TAOK1: variants seen among roughly 807,000 people sequenced by gnomAD.
TAOK1 encodes serine/threonine-protein kinase TAO1.
TAOK1 carries 21 observed loss-of-function variants against 138.3 expected under a neutral mutation model. The ratio of observed to expected loss-of-function variants is 0.15; its 90% confidence interval spans 0.11 to 0.22. The LOEUF is 0.22. Among genes scored for constraint, TAOK1 ranks in the 10% least tolerant of loss-of-function variants. The pLI is 1.00. For missense variants in TAOK1, 651 were observed against 1,227.7 expected (o/e 0.53, Z 7.02); for synonymous variants, 361 against 398.4 (o/e 0.91, Z 1.12).
chr17:29,451,602 C>T lies in TAOK1; in HGVS notation c.54C>T (p.Leu18=), dbSNP rs1279401192. The stretch of plus-strand genomic sequence containing the variant: ...TGAAGGACCCTGAAATTGCAGAGCT[C>T]TTCTTCAAAGAAGATCCAGAGAAGC... The part of the protein sequence containing the change: ...GSLKDPEIAE[L]FFKEDPEKLF... The change falls in exon 2 of 20, where the codon CTC becomes CTT. Residue 18 remains leucine, a synonymous_variant. Coordinates refer to ENST00000261716, the MANE Select transcript of TAOK1 (RefSeq NM_020791.4). 1.2e-6 allele frequency: 2 copies of T among 1,613,964 alleles called. No homozygotes were observed. The highest frequency in any genetic ancestry group is 2.2e-5 in the East Asian group (1 of 44,878).
chr17:29,526,819 T>TAAAAAAAAAAA (rs71138830), intron 17 of TAOK1, among the ~76,000 whole-genome samples: 5 of 50,952 alleles, frequency 9.8e-5, no homozygotes, highest in Non-Finnish European at 1.7e-4. Flanking sequence ...TCTCATCTCT[T>TAAAAAAAAAAA]AAAAAAAAAA....
chr17:29,495,751 A>G (rs1397731328), intron 11 of TAOK1, 24 bp downstream of exon 11: 1 of 1,541,094 alleles, frequency 6.5e-7, no homozygotes, highest in South Asian at 1.3e-5. Context: ...AAATGACTCC[A>G]ATATTGAATT....
At position 29,522,261 on chromosome 17, in the gene TAOK1, CT is replaced by C. The variant is rs1034433149; in HGVS notation, c.1909-15del. The C allele has an allele frequency of 2.5e-6, 4 of 1,612,152 alleles. No homozygotes were observed. The African/African-American group carries it at 5.3e-5, about 22-fold the overall frequency. The stretch of plus-strand genomic sequence containing the variant: ...ATACAGCAGTAAGTTATACCTTTGT[CT>C]TTTGTGTTATGGATTAGGAGTTAAA... On this transcript the variant is annotated intron_variant, in intron 16 of 19. Transcript: ENST00000261716.
At chr17:29,479,447 A>G (rs148400412) in intron 6 of TAOK1, among the ~76,000 whole-genome samples, 2 of 151,988 alleles carry the variant, frequency 1.3e-5, no homozygotes, top group African/African-American at 2.4e-5. Context: ...GTTTTAAACT[A>G]TATAATAGAG....
At chr17:29,451,047 C>T (rs114440583) in intron 1 of TAOK1, among the ~76,000 whole-genome samples, 2,292 of 152,306 alleles carry the variant, frequency 0.015, 55 homozygotes, top group African/African-American at 0.053. Context: ...GATTAGTACA[C>T]TAGCATACGG....
intron 2 of TAOK1, among the ~76,000 whole-genome samples, chr17:29,457,654 T>TTC (rs2030422795): frequency 7.3e-6 from 1 of 136,934 alleles, no homozygotes; most frequent in Non-Finnish European, 1.6e-5. Context: ...GATCCACCCA[T>TTC]CTCGGCCTCC....
intron 17 of TAOK1, among the ~76,000 whole-genome samples, chr17:29,522,793 G>T (rs887874887): frequency 6.6e-6 from 1 of 152,022 alleles, no homozygotes; most frequent in Non-Finnish European, 1.5e-5. Context: ...CTTATCCAAG[G>T]GCAGGGTGCA....
At chr17:29,500,365 TTG>T (rs2031501528) in intron 12 of TAOK1, among the ~76,000 whole-genome samples, 1 of 151,992 alleles carries the variant, frequency 6.6e-6, no homozygotes, top group Non-Finnish European at 1.5e-5. Context: ...ACTTCACAGC[TTG>T]TGTTATTATC....
At chr17:29,413,068 C>T (rs768822912) in intron 1 of TAOK1, among the ~76,000 whole-genome samples, 2 of 152,016 alleles carry the variant, frequency 1.3e-5, no homozygotes, top group African/African-American at 2.4e-5. Flanking sequence ...TGTCATTTTA[C>T]GGATGAGACA....
intron 10 of TAOK1, among the ~76,000 whole-genome samples, chr17:29,494,346 C>G (rs7217545): frequency 0.035 from 5,346 of 151,820 alleles, 291 homozygotes; most frequent in African/African-American, 0.12. Context: ...CCCCCACCCC[C>G]CAAAAAATAA....
chr17:29,444,770 C>T (rs1020391235), intron 1 of TAOK1, among the ~76,000 whole-genome samples: 1 of 152,142 alleles, frequency 6.6e-6, no homozygotes, highest in African/African-American at 2.4e-5. Context: ...AGAATTACCT[C>T]ATAACAATAT....
chr17:29,439,409 T>C (rs1385920192), intron 1 of TAOK1, among the ~76,000 whole-genome samples: 1 of 152,094 alleles, frequency 6.6e-6, no homozygotes, highest in Non-Finnish European at 1.5e-5. Context: ...TTCACCATGT[T>C]GATCAGGCTG....
chr17:29,544,982 C>T lies in TAOK1; in HGVS notation c.*1960C>T, dbSNP rs2032378718. 6.6e-6 allele frequency: 1 copy of T among 152,180 alleles called. No homozygotes were observed. The highest frequency in any genetic ancestry group is 2.4e-5 in the African/African-American group (1 of 41,446). The allele number at this position is 152,180 out of a possible 1,614,324, so 9.4% of individuals were successfully genotyped here. A position where few individuals can be genotyped will look rare whatever the true frequency, so the allele number is the denominator to read the frequency against. ...CAGTCGAGTTGCCATGAATCCTCACCTGTAGGAGTTTCTGGGATTCATTTT... is the reference window on the plus strand; with the variant it reads ...CAGTCGAGTTGCCATGAATCCTCACTTGTAGGAGTTTCTGGGATTCATTTT... On this transcript the variant is annotated 3_prime_UTR_variant, in exon 20 of 20. Transcript: ENST00000261716.
intron 1 of TAOK1, among the ~76,000 whole-genome samples, chr17:29,408,064 T>C (rs1003251542): frequency 6.6e-6 from 1 of 152,000 alleles, no homozygotes; most frequent in African/African-American, 2.4e-5. Context: ...ATTTTCTAGA[T>C]TCTGTGCCAG....
chr17:29,517,677 ATT>A, intron 16 of TAOK1, 21 bp downstream of exon 16: 5 of 1,578,024 alleles, frequency 3.2e-6, no homozygotes, highest in Non-Finnish European at 3.4e-6. Flanking sequence ...GTGATGAGAA[ATT>A]TTAAATCCTT....
intron 14 of TAOK1, among the ~76,000 whole-genome samples, chr17:29,509,394 G>T (rs565154110): frequency 1.3e-5 from 2 of 151,844 alleles, no homozygotes; most frequent in Non-Finnish European, 2.9e-5. Flanking sequence ...TAGAAAAGGG[G>T]TTTCACCATG....
intron 1 of TAOK1, among the ~76,000 whole-genome samples, chr17:29,409,545 G>C (rs976552028): frequency 1.3e-5 from 2 of 151,612 alleles, no homozygotes; most frequent in African/African-American, 4.8e-5. Context: ...ATGTTAGTCA[G>C]GATGGTCTCG....
intron 19 of TAOK1, among the ~76,000 whole-genome samples, chr17:29,536,154 C>T (rs2032217275): frequency 6.6e-6 from 1 of 151,994 alleles, no homozygotes; most frequent in East Asian, 1.9e-4. Context: ...CAAAAATTAA[C>T]CAGGCGTGGT....
chr17:29,415,496 C>T (rs537905584), intron 1 of TAOK1, among the ~76,000 whole-genome samples: 2 of 152,296 alleles, frequency 1.3e-5, no homozygotes, highest in South Asian at 4.1e-4. Flanking sequence ...TCCACATCCT[C>T]TCCAACAATT....
Sources: allele counts gnomAD v4.1 joint callset (sites outside exome capture counted in the v4.1 genomes callset), GRCh38; gene constraint gnomAD v4.1.1; transcripts MANE v1.5; gene names NCBI Gene and HGNC (gene_info 2026-07-23, HGNC 2026-07-21).